MTDH: variants seen among roughly 807,000 people sequenced by gnomAD.
MTDH encodes the protein metadherin, also known as protein LYRIC.
In MTDH, 34 loss-of-function variants were observed where a neutral mutation model predicts 72.7. The ratio of observed to expected loss-of-function variants is 0.47; its 90% CI spans 0.36 to 0.62. MTDH has a LOEUF of 0.62. Among genes scored for constraint, MTDH ranks in the 20% least tolerant of loss-of-function variants. The pLI is 0.00. For missense variants in MTDH, 677 were observed against 699.4 expected (o/e 0.97, Z 0.36); for synonymous variants, 266 against 268.9 (o/e 0.99, Z 0.10).
intron 10 of MTDH, among the ~76,000 whole-genome samples, chr8:97,722,506 G>A (rs977189938): frequency 2.0e-5 from 3 of 152,188 alleles, no homozygotes; most frequent in African/African-American, 7.2e-5. Flanking sequence ...GGAGGCTGAG[G>A]CAGGAGAATC....
chr8:97,670,167 T>C (rs1362103616), intron 2 of MTDH, among the ~76,000 whole-genome samples: 2 of 151,674 alleles, frequency 1.3e-5, no homozygotes, highest in African/African-American at 4.8e-5. Flanking sequence ...ATACAAAAAT[T>C]AGCCAGGCAC....
chr8:97,687,357 A>G, intron 3 of MTDH, 72 bp from the exon 4 acceptor site: 1 of 1,358,068 alleles, frequency 7.4e-7, no homozygotes. Flanking sequence ...TCCACCCCAT[A>G]TTCTCCCCCA....
intron 6 of MTDH, 140 bp downstream of exon 6, chr8:97,691,328 TCA>T (rs1299073470): frequency 1.5e-5 from 9 of 582,388 alleles, no homozygotes; most frequent in Non-Finnish European, 2.3e-5. Flanking sequence ...TTAACTCATC[TCA>T]CATCCTTTTT....
At chr8:97,655,029 T>C (rs1445272726) in intron 1 of MTDH, among the ~76,000 whole-genome samples, 1 of 151,038 alleles carries the variant, frequency 6.6e-6, no homozygotes, top group East Asian at 1.9e-4. Context: ...GAGGCGGAGG[T>C]TGCAGTGAGT....
rs895873006 is a variant in MTDH, at chr8:97,644,249, C to G, written c.-258C>G. 3 of 496,782 alleles carry G rather than the reference C, an allele frequency of 6.0e-6. No individual in the cohort carries two copies. The highest frequency in any genetic ancestry group is 1.0e-5 in the Non-Finnish European group (3 of 287,062). The allele number at this position is 496,782 out of a possible 1,614,324, so 30.8% of individuals were successfully genotyped here. On this transcript the variant is annotated 5_prime_UTR_variant, in exon 1 of 12. Transcript: ENST00000336273. ...GCGCTGGCGCCGAGACGCCGCTTAG[C>G]GGCCGCCACTGGAGACACTCCCTCC...
chr8:97,658,000 A>G (rs1812043961), intron 1 of MTDH, among the ~76,000 whole-genome samples: 1 of 152,306 alleles, frequency 6.6e-6, no homozygotes, highest in South Asian at 2.1e-4. Flanking sequence ...TGTTGGCAAA[A>G]TGAAAGGACA....
chr8:97,706,869 A>G (rs1391256627), intron 8 of MTDH, 119 bp downstream of exon 8: 2 of 1,175,498 alleles, frequency 1.7e-6, no homozygotes, highest in East Asian at 2.8e-5. Context: ...GCTTGAGCCC[A>G]GGAGTTCAAG....
chr8:97,682,247 TATATATATATATATATATATATA>T lies in MTDH; in HGVS notation c.484-4420_484-4398del, dbSNP rs1813133164. Among the ~76,000 whole-genome samples, 27 of 6,764 alleles carry T rather than the reference TATATATATATATATATATATATA, an allele frequency of 4.0e-3. 2 individuals are homozygous for T. In the East Asian group the frequency reaches 0.043, roughly 11 times the overall value. 4.4% of individuals were successfully genotyped at this position (6,764 alleles called of 152,430 possible). ...TAATTACTTTATATATATATATATA[TATATATATATATATATATATATA>T]TATATATATATTTTTTTTTTTTTTT... On this transcript the variant is annotated intron_variant, in intron 2 of 11. Transcript: ENST00000336273.
Position 97,687,299 on chromosome 8 carries a change from C to T in MTDH, c.569-130C>T, listed in dbSNP as rs535622766. The T allele has an allele frequency of 9.8e-5, 66 of 673,372 alleles. No individual in the cohort carries two copies. In the South Asian group the frequency reaches 1.9e-3, roughly 19 times the overall value. The allele number at this position is 673,372 out of a possible 1,614,324, so 41.7% of individuals were successfully genotyped here. A position where few individuals can be genotyped will look rare whatever the true frequency, so the allele number is the denominator to read the frequency against. Reference sequence around the variant, plus strand: ...TTAGGATGAGTTAATATAATCAACACTCTTGGTTTTAGCTTAACATCTAAA... The same window carrying T: ...TTAGGATGAGTTAATATAATCAACATTCTTGGTTTTAGCTTAACATCTAAA... On this transcript the variant is annotated intron_variant, in intron 3 of 11. Transcript: ENST00000336273.
chr8:97,680,050 T>C (rs1485775538), intron 2 of MTDH, among the ~76,000 whole-genome samples: 1 of 152,180 alleles, frequency 6.6e-6, no homozygotes, highest in Non-Finnish European at 1.5e-5. Flanking sequence ...TGATTATTTA[T>C]CAAAGCCTTT....
rs368077413 is a variant in MTDH, at chr8:97,662,395, AAAAC to A, written c.483+1230_483+1233del. ...TGCATAGCCCCTTTTCAGGAAAAAA[AAAAC>A]AAACAAAAACAAAACAAGACAGTCA... On this transcript the variant is annotated intron_variant, in intron 2 of 11. Coordinates refer to ENST00000336273, the MANE Select transcript of MTDH (RefSeq NM_178812.4). Among the ~76,000 whole-genome samples, 695 of 151,890 alleles carry A rather than the reference AAAAC, an allele frequency of 4.6e-3. 7 individuals carry two copies. The highest frequency in any genetic ancestry group is 0.015 in the African/African-American group (632 of 41,470).
chr8:97,719,215 C>G, intron 10 of MTDH, 26 bp downstream of exon 10: 1 of 1,608,196 alleles, frequency 6.2e-7, no homozygotes, highest in Non-Finnish European at 8.5e-7. Flanking sequence ...AATAAAGTTG[C>G]CGGGCGCAGT....
chr8:97,697,949 C>T (rs937339388), intron 6 of MTDH, among the ~76,000 whole-genome samples: 3 of 152,148 alleles, frequency 2.0e-5, no homozygotes, highest in Non-Finnish European at 4.4e-5. Flanking sequence ...TGCTTCTAAG[C>T]AGCTAATATA....
chr8:97,700,503 AGAGTT>A (rs1229504092), intron 7 of MTDH, among the ~76,000 whole-genome samples: 3 of 152,170 alleles, frequency 2.0e-5, no homozygotes, highest in Non-Finnish European at 4.4e-5. Context: ...TTCTCCAAGT[AGAGTT>A]AAGAACTCTC....
At position 97,720,815 on chromosome 8, in the gene MTDH, G is replaced by A. The variant is rs567937569; in HGVS notation, c.1521+1626G>A. Among the ~76,000 whole-genome samples the A allele has an allele frequency of 2.6e-5, 4 of 151,366 alleles. No individual in the cohort carries two copies. In the East Asian group the frequency reaches 7.8e-4, roughly 30 times the overall value. ...ATTACAGGTGCACGCCACCACCCCTGGCTAATTTTTATATTTTTAGTAGAG... is the reference window on the plus strand; with the variant it reads ...ATTACAGGTGCACGCCACCACCCCTAGCTAATTTTTATATTTTTAGTAGAG... On this transcript the variant is annotated intron_variant, in intron 10 of 11. Coordinates refer to ENST00000336273, the MANE Select transcript of MTDH (RefSeq NM_178812.4).
chr8:97,693,745 G>A (rs151177410), intron 6 of MTDH, among the ~76,000 whole-genome samples: 69 of 151,600 alleles, frequency 4.6e-4, no homozygotes, highest in African/African-American at 1.1e-3. Flanking sequence ...AGACAGGGTC[G>A]TACTCTGTTG....
chr8:97,698,490 A>G (rs755033123), intron 6 of MTDH, among the ~76,000 whole-genome samples: 24 of 152,232 alleles, frequency 1.6e-4, no homozygotes, highest in Non-Finnish European at 2.8e-4. Flanking sequence ...CTAAAAGACT[A>G]TGTGAACCCA....
intron 6 of MTDH, among the ~76,000 whole-genome samples, chr8:97,697,150 A>ATATATATATATTT: frequency 2.3e-3 from 154 of 68,426 alleles, no homozygotes; most frequent in Admixed American, 4.6e-3. Context: ...ATATATATAT[A>ATATATATATATTT]TTTTTTTTTT....
intron 2 of MTDH, among the ~76,000 whole-genome samples, chr8:97,684,627 C>T (rs2130994400): frequency 6.6e-6 from 1 of 152,304 alleles, no homozygotes; most frequent in South Asian, 2.1e-4. Context: ...TGCCTCTGCT[C>T]AACTGTAGTT....
Sources: allele counts gnomAD v4.1 joint callset (sites outside exome capture counted in the v4.1 genomes callset), GRCh38; gene constraint gnomAD v4.1.1; transcripts MANE v1.5; gene names NCBI Gene and HGNC (gene_info 2026-07-23, HGNC 2026-07-21).